RABGAP1L: variants seen among roughly 807,000 people sequenced by gnomAD.
RABGAP1L encodes RAB GTPase activating protein 1 like.
In RABGAP1L, 63 loss-of-function variants were observed where a neutral mutation model predicts 137.7. The ratio of observed to expected loss-of-function variants is 0.46; its 90% CI spans 0.37 to 0.56. RABGAP1L has a LOEUF of 0.56. RABGAP1L is among the 20% of genes least tolerant of loss of function. The probability of loss-of-function intolerance (pLI) is 0.00; values close to 1 mark genes in which losing one functional copy is unlikely to be tolerated. For missense variants in RABGAP1L, 1,095 were observed against 1,244.0 expected (o/e 0.88, Z 1.80); for synonymous variants, 431 against 433.7 (o/e 0.99, Z 0.08).
intron 11 of RABGAP1L, among the ~76,000 whole-genome samples, chr1:174,342,306 A>T (rs528747709): frequency 9.2e-4 from 140 of 152,270 alleles, no homozygotes; most frequent in African/African-American, 3.2e-3. Context: ...AAAATCCCCA[A>T]GTGGATTTTC....
chr1:174,675,356 C>T (rs1402573122), intron 14 of RABGAP1L, among the ~76,000 whole-genome samples: 1 of 152,052 alleles, frequency 6.6e-6, no homozygotes, highest in Non-Finnish European at 1.5e-5. Flanking sequence ...ATCCTTTCCC[C>T]ATTGCTTGTT....
chr1:174,357,204 G>T (rs1476407399), intron 11 of RABGAP1L, among the ~76,000 whole-genome samples: 2 of 152,120 alleles, frequency 1.3e-5, no homozygotes, highest in Non-Finnish European at 2.9e-5. Flanking sequence ...GGGACTGCTA[G>T]TTAAGAATGT....
At chr1:174,778,054 A>G (rs1686671537) in intron 18 of RABGAP1L, among the ~76,000 whole-genome samples, 1 of 152,194 alleles carries the variant, frequency 6.6e-6, no homozygotes, top group South Asian at 2.1e-4. Flanking sequence ...TTATAGACCC[A>G]AGAAGTTTAG....
chr1:174,381,125 C>G, intron 12 of RABGAP1L, among the ~76,000 whole-genome samples: 1 of 122,562 alleles, frequency 8.2e-6, no homozygotes, highest in Non-Finnish European at 1.7e-5. Flanking sequence ...ATCCTGAGTT[C>G]TAGTTTGATT....
intron 19 of RABGAP1L, chr1:174,874,581 T>A: frequency 3.6e-5 from 4 of 112,428 alleles, no homozygotes; most frequent in Non-Finnish European, 4.9e-5. Flanking sequence ...CCACTGCCTT[T>A]TTTTTTTTTT....
In RABGAP1L at chr1:174,189,127, TCCCGA is replaced by T. The variant is rs1369483951; in HGVS notation, c.-34+29471_-34+29475del. ...TTCACGCCATTCTCCTGCCTCAGCC[TCCCGA>T]GTAGCTGGGACTACAGGCGCCTGCC... is the stretch of plus-strand genomic sequence containing the variant. On this transcript the variant is annotated intron_variant, in intron 1 of 25. Transcript: ENST00000681986. Among the ~76,000 whole-genome samples the T allele has an allele frequency of 5.9e-5, 9 of 152,284 alleles. No individual in the cohort carries two copies. The East Asian group carries it at 9.7e-4, about 16-fold the overall frequency.
intron 19 of RABGAP1L, among the ~76,000 whole-genome samples, chr1:174,880,076 A>AT (rs1426998164): frequency 8.1e-6 from 1 of 123,122 alleles, no homozygotes; most frequent in Admixed American, 7.2e-5. Context: ...AAAAAAAAAA[A>AT]AGGAAAAAAA....
chr1:174,279,418 A>T (rs982718678), intron 10 of RABGAP1L, among the ~76,000 whole-genome samples: 1 of 152,212 alleles, frequency 6.6e-6, no homozygotes, highest in African/African-American at 2.4e-5. Context: ...ATGCTCTATT[A>T]GAATAATGAA....
At chr1:174,352,926 C>T (rs1210489726) in intron 11 of RABGAP1L, among the ~76,000 whole-genome samples, 1 of 152,148 alleles carries the variant, frequency 6.6e-6, no homozygotes, top group Non-Finnish European at 1.5e-5. Context: ...TACTCTTCTC[C>T]AAAGAGATTC....
At chr1:174,281,114 G>A (rs1327115874) in intron 10 of RABGAP1L, among the ~76,000 whole-genome samples, 3 of 152,102 alleles carry the variant, frequency 2.0e-5, no homozygotes, top group African/African-American at 4.8e-5. Context: ...AAGGTAGTGC[G>A]GACCCAAAGA....
intron 13 of RABGAP1L, among the ~76,000 whole-genome samples, chr1:174,444,120 C>T (rs545034649): frequency 4.0e-5 from 6 of 151,060 alleles, no homozygotes; most frequent in Non-Finnish European, 7.4e-5. Flanking sequence ...ATGCCTCTAG[C>T]TTTGTTCTTT....
intron 11 of RABGAP1L, chr1:174,367,482 GA>G (rs1489938650): frequency 5.1e-6 from 1 of 195,986 alleles, no homozygotes; most frequent in African/African-American, 2.4e-5. Context: ...CTTCCGAAAA[GA>G]AAAGTTACCT....
intron 19 of RABGAP1L, among the ~76,000 whole-genome samples, chr1:174,905,262 A>G (rs116190576): frequency 0.021 from 3,148 of 152,300 alleles, 49 homozygotes; most frequent in Middle Eastern, 0.079. Flanking sequence ...GACCTTTCCA[A>G]AGAGACAGAG....
chr1:174,175,331 G>C (rs1202272298), intron 1 of RABGAP1L, among the ~76,000 whole-genome samples: 1 of 152,130 alleles, frequency 6.6e-6, no homozygotes, highest in African/African-American at 2.4e-5. Context: ...TGGGGTCTGA[G>C]CATAGATATC....
intron 13 of RABGAP1L, among the ~76,000 whole-genome samples, chr1:174,465,698 G>A (rs1571930456): frequency 1.3e-5 from 2 of 152,176 alleles, no homozygotes; most frequent in African/African-American, 2.4e-5. Context: ...AGGACATCAG[G>A]ATGGAGAAGT....
chr1:174,543,919 G>T (rs1342715040), intron 13 of RABGAP1L, among the ~76,000 whole-genome samples: 2 of 152,134 alleles, frequency 1.3e-5, no homozygotes, highest in African/African-American at 4.8e-5. Context: ...GTTGAATATT[G>T]TCCCCCACTG....
chr1:174,603,169 G>A (rs1363615833), intron 13 of RABGAP1L, among the ~76,000 whole-genome samples: 2 of 152,096 alleles, frequency 1.3e-5, no homozygotes, highest in Admixed American at 6.6e-5. Context: ...CTGCATTAGG[G>A]GGCATCTCAA....
Position 174,597,801 on chromosome 1 carries a change from C to T in RABGAP1L, c.1711-39574C>T, listed in dbSNP as rs114249953. 9.0e-3 allele frequency among the ~76,000 whole-genome samples: 1,374 copies of T among 152,200 alleles called. 25 individuals are homozygous for T. The highest frequency in any genetic ancestry group is 0.032 in the African/African-American group (1,322 of 41,538). On this transcript the variant is annotated intron_variant, in intron 13 of 25. Transcript: ENST00000681986. ...TAGGCACTTACTGGTATAAACTTTG[C>T]TCTCAGTATTGCTTTCACTGTATTC...
At chr1:174,984,776 T>G (rs1671446041) in intron 24 of RABGAP1L, among the ~76,000 whole-genome samples, 2 of 152,018 alleles carry the variant, frequency 1.3e-5, no homozygotes, top group Non-Finnish European at 2.9e-5. Flanking sequence ...AAGTGCTAAG[T>G]TGGATCACAA....
Sources: allele counts gnomAD v4.1 joint callset (sites outside exome capture counted in the v4.1 genomes callset), GRCh38; gene constraint gnomAD v4.1.1; transcripts MANE v1.5; gene names NCBI Gene and HGNC (gene_info 2026-07-23, HGNC 2026-07-21).